Variants in PGR observed in about 807,000 individuals in gnomAD.
PGR encodes the protein nuclear receptor subfamily 3 group C member 3.
In PGR, 25 loss-of-function variants were observed where a neutral mutation model predicts 76.1. The observed-to-expected ratio is 0.33, with a 90% CI of 0.24 to 0.46. The LOEUF is 0.46. Ranked by LOEUF, PGR falls within the 20% of genes least tolerant of loss-of-function variation. PGR has a pLI of 1.00. For missense variants in PGR, 1,172 were observed against 1,225.3 expected (o/e 0.96, Z 0.65); for synonymous variants, 579 against 535.0 (o/e 1.08, Z -1.14).
Position 101,037,664 on chromosome 11 carries a change from T to A in PGR, c.*1452A>T, listed in dbSNP as rs1244360461. On this transcript the variant is annotated 3_prime_UTR_variant, in exon 8 of 8. Coordinates refer to ENST00000325455, the MANE Select transcript of PGR (RefSeq NM_000926.4). ...ATGTTATAGTCAGTAAAGGGAGAGA[T>A]CTCACAAAGTAGGAAGCAAAGGTGG... The A allele has an allele frequency of 1.8e-5, 4 of 225,936 alleles. No individual in the cohort carries two copies. The highest frequency in any genetic ancestry group is 1.7e-4 in the Admixed American group (3 of 17,496). 14.0% of individuals were successfully genotyped at this position (225,936 alleles called of 1,614,324 possible). A position where few individuals can be genotyped will look rare whatever the true frequency, so the allele number is the denominator to read the frequency against.
intron 3 of PGR, among the ~76,000 whole-genome samples, chr11:101,072,147 G>T (rs908395604): frequency 6.6e-5 from 10 of 152,184 alleles, no homozygotes; most frequent in African/African-American, 1.9e-4. Context: ...AACCCTACAT[G>T]CCAGAAGAGA....
At chr11:101,053,391 A>G (rs750974691) in intron 4 of PGR, among the ~76,000 whole-genome samples, 3 of 152,188 alleles carry the variant, frequency 2.0e-5, no homozygotes, top group African/African-American at 7.2e-5. Context: ...CTTAGCCTCA[A>G]TAAGACCAAA....
intron 2 of PGR, among the ~76,000 whole-genome samples, chr11:101,102,422 C>T (rs1196516167): frequency 6.6e-6 from 1 of 152,116 alleles, no homozygotes; most frequent in Non-Finnish European, 1.5e-5. Context: ...TGTACTATTC[C>T]TTAAAGTTTT....
At chr11:101,046,292 A>ATTTTTTTTTTTTTTTTTT (rs540943297) in intron 6 of PGR, among the ~76,000 whole-genome samples, 1 of 66,292 alleles carries the variant, frequency 1.5e-5, no homozygotes, top group Non-Finnish European at 2.5e-5. Flanking sequence ...CGCCTGGCTA[A>ATTTTTTTTTTTTTTTTTT]TTTTTTTTTT....
At chr11:101,126,506 T>C (rs1862843209) in intron 1 of PGR, among the ~76,000 whole-genome samples, 1 of 152,240 alleles carries the variant, frequency 6.6e-6, no homozygotes. Flanking sequence ...ATGTCCTTCC[T>C]GTCTGTATGC....
Position 101,062,524 on chromosome 11 carries a change from C to T in PGR, c.2135G>A (p.Ser712Asn). 1 of 1,613,962 alleles carries T rather than the reference C, an allele frequency of 6.2e-7. No homozygotes were observed. Among genetic ancestry groups the T allele is most frequent in the Non-Finnish European group, 8.5e-7 (1 of 1,179,910 alleles). The change falls in exon 4 of 8, where the codon AGT becomes AAT. Residue 712 changes from serine to asparagine, a missense_variant. This residue lies in a region of PGR where 166 missense variants were observed against 296.0 expected (regional missense o/e 0.56). Transcript: ENST00000325455. ...GHDNTKPDTSSSLLTSLNQLG... is the reference protein window; with the variant it reads ...GHDNTKPDTSNSLLTSLNQLG... ...TTGATTAAGACTTGTCAGCAAAGAACTGGAGGTGTCAGGTTTTGTGTTGTC... is the reference window on the plus strand; with the variant it reads ...TTGATTAAGACTTGTCAGCAAAGAATTGGAGGTGTCAGGTTTTGTGTTGTC...
Position 101,127,575 on chromosome 11 carries a change from G to C in PGR, c.1496C>G (p.Ser499Cys). Residue 499 changes from serine (S) to cysteine (C), a missense_variant, in exon 1 of 8, where the codon TCC becomes TGC. Coordinates refer to ENST00000325455, the MANE Select transcript of PGR (RefSeq NM_000926.4). ...CGCCCCGGCGGCGGCGGCAGAGGCG[G>C]AGGTGGAGGGCAGGCCGTCCCGCGG... ...LLPRDGLPST[S>C]ASAAAAGAAP... The C allele has an allele frequency of 7.3e-7, 1 of 1,363,054 alleles. No individual in the cohort carries two copies. The highest frequency in any genetic ancestry group is 9.4e-7 in the Non-Finnish European group (1 of 1,060,066). The allele number at this position is 1,363,054 out of a possible 1,614,324, so 84.4% of individuals were successfully genotyped here.
At chr11:101,054,010 G>A (rs891419746) in intron 4 of PGR, among the ~76,000 whole-genome samples, 2 of 152,106 alleles carry the variant, frequency 1.3e-5, no homozygotes, top group Non-Finnish European at 2.9e-5. Context: ...CTAAAGCAAA[G>A]AGAAAGATAT....
intron 2 of PGR, among the ~76,000 whole-genome samples, chr11:101,104,270 C>A (rs1862081205): frequency 6.6e-6 from 1 of 152,174 alleles, no homozygotes. Context: ...GCTCTCTATT[C>A]ATCGTATCTG....
intron 7 of PGR, among the ~76,000 whole-genome samples, chr11:101,040,758 C>T (rs1397409974): frequency 2.0e-5 from 3 of 151,974 alleles, no homozygotes; most frequent in Admixed American, 2.0e-4. Context: ...CTACACCGGA[C>T]CCTTTTTGTT....
At position 101,042,085 on chromosome 11, in the gene PGR, G is replaced by A. The variant is rs776604342; in HGVS notation, c.2506C>T (p.Arg836Ter). 3.1e-6 allele frequency: 5 copies of A among 1,613,242 alleles called. No homozygotes were observed. The highest frequency in any genetic ancestry group is 4.5e-5 in the East Asian group (2 of 44,834). ...ATCTCCTCAAACTGGGTTTGACTTC[G>A]TAGCCCTTCCAAAGGAACTGTTAAG... ...LLNTIPLEGL[R>*]SQTQFEEMRS... The change falls in exon 7 of 8, where the codon CGA becomes TGA. Residue 836 changes from arginine to a stop codon, truncating the protein, a stop_gained. Coordinates refer to ENST00000325455, the MANE Select transcript of PGR (RefSeq NM_000926.4). LOFTEE classifies it high-confidence loss of function.
chr11:101,087,418 T>C (rs559342933), intron 3 of PGR, among the ~76,000 whole-genome samples: 21 of 152,242 alleles, frequency 1.4e-4, no homozygotes, highest in African/African-American at 3.6e-4. Flanking sequence ...TTTCACCATA[T>C]ACAAAAATTA....
chr11:101,079,071 C>T (rs1232896308), intron 3 of PGR, among the ~76,000 whole-genome samples: 2 of 152,188 alleles, frequency 1.3e-5, no homozygotes, highest in East Asian at 3.9e-4. Context: ...GGAAAACTGG[C>T]TACCTATATG....
At chr11:101,070,534 G>A (rs576753281) in intron 3 of PGR, among the ~76,000 whole-genome samples, 2 of 152,344 alleles carry the variant, frequency 1.3e-5, no homozygotes, top group African/African-American at 4.8e-5. Context: ...TAGCTCAGCA[G>A]ATACCATCCC....
At position 101,127,673 on chromosome 11, in the gene PGR, C is replaced by T; in HGVS notation, c.1398G>A (p.Glu466=). 6.5e-7 allele frequency: 1 copy of T among 1,550,212 alleles called. No individual in the cohort carries two copies. Among genetic ancestry groups the T allele is most frequent in the South Asian group, 1.2e-5 (1 of 84,998 alleles). ...STLECILYKA[E]GAPPQQGPFA... is the part of the protein sequence containing the mutation. ...ACGGGCCCTGCTGGGGCGGCGCGCC[C>T]TCCGCTTTGTACAGGATGCACTCCA... The change falls in exon 1 of 8, where the codon GAG becomes GAA. Residue 466 remains glutamate, a synonymous_variant. Transcript: ENST00000325455.
chr11:101,058,665 C>A lies in PGR; in HGVS notation c.2212+3782G>T, dbSNP rs145274939. Among the ~76,000 whole-genome samples, 592 of 152,246 alleles carry A rather than the reference C, an allele frequency of 3.9e-3. 8 individuals are homozygous for A. The highest frequency in any genetic ancestry group is 0.013 in the African/African-American group (544 of 41,530). The stretch of plus-strand genomic sequence containing the variant: ...ATGCAACGGAAGTGTTTCCCTCATA[C>A]CCCCTCTGTCACATCAATTTCACTG... On this transcript the variant is annotated intron_variant, in intron 4 of 7. Coordinates refer to ENST00000325455, the MANE Select transcript of PGR (RefSeq NM_000926.4).
At chr11:101,056,105 G>A (rs774498298) in intron 4 of PGR, among the ~76,000 whole-genome samples, 1 of 151,928 alleles carries the variant, frequency 6.6e-6, no homozygotes, top group Non-Finnish European at 1.5e-5. Flanking sequence ...AAACAAAGAT[G>A]GGAACACAGA....
intron 3 of PGR, among the ~76,000 whole-genome samples, chr11:101,071,132 G>A (rs541825006): frequency 1.3e-5 from 2 of 152,290 alleles, no homozygotes; most frequent in South Asian, 4.1e-4. Context: ...GAAGGAACAG[G>A]CAGCAATCTT....
At chr11:101,053,419 ATAAT>A (rs1860165246) in intron 4 of PGR, among the ~76,000 whole-genome samples, 2 of 152,172 alleles carry the variant, frequency 1.3e-5, no homozygotes, top group Non-Finnish European at 1.5e-5. Flanking sequence ...ATGCATATTC[ATAAT>A]TAGAGATGCC....
Sources: allele counts gnomAD v4.1 joint callset (sites outside exome capture counted in the v4.1 genomes callset), GRCh38; gene constraint gnomAD v4.1.1; regional missense constraint gnomAD v4.1.1; transcripts MANE v1.5; gene names NCBI Gene and HGNC (gene_info 2026-07-23, HGNC 2026-07-21).